The following AGO3 variants were observed in gnomAD, a reference collection of about 807,000 sequenced individuals.
AGO3 encodes the protein argonaute RISC catalytic component 3.
Under a neutral mutation model 105.5 loss-of-function variants are expected in AGO3, and 16 were observed. The observed-to-expected ratio is 0.15, with a 90% CI of 0.10 to 0.23. The LOEUF is 0.23. AGO3 is among the 10% of genes least tolerant of loss of function. The pLI is 1.00. For missense variants in AGO3, 534 were observed against 1,088.0 expected (o/e 0.49, Z 7.16); for synonymous variants, 340 against 367.3 (o/e 0.93, Z 0.85).
Position 36,070,843 on chromosome 1 carries a change from T to C in AGO3, c.*15098T>C, listed in dbSNP as rs1643152664. On this transcript the variant is annotated 3_prime_UTR_variant, in exon 19 of 19. Transcript: ENST00000373191. ...ATTTTAAACTATTTTTGCTGTAATGTGTAGCTTTAATGTCTCTTTTCAGTT... is the reference window on the plus strand; with the variant it reads ...ATTTTAAACTATTTTTGCTGTAATGCGTAGCTTTAATGTCTCTTTTCAGTT... 6.6e-6 allele frequency: 1 copy of C among 152,256 alleles called. No homozygotes were observed. The highest frequency in any genetic ancestry group is 6.5e-5 in the Admixed American group (1 of 15,284). The allele number at this position is 152,256 out of a possible 1,614,324, so 9.4% of individuals were successfully genotyped here.
chr1:35,955,522 T>C (rs1235163881), intron 2 of AGO3, among the ~76,000 whole-genome samples: 10 of 152,052 alleles, frequency 6.6e-5, no homozygotes. Context: ...ACTGAATATG[T>C]GTCACACACT....
At position 36,063,956 on chromosome 1, in the gene AGO3, G is replaced by A. The variant is rs891116656; in HGVS notation, c.*8211G>A. 3 of 152,168 alleles carry A rather than the reference G, an allele frequency of 2.0e-5. No individual in the cohort carries two copies. The highest frequency in any genetic ancestry group is 7.2e-5 in the African/African-American group (3 of 41,416). 9.4% of individuals were successfully genotyped at this position (152,168 alleles called of 1,614,324 possible). A position where few individuals can be genotyped will look rare whatever the true frequency, so the allele number is the denominator to read the frequency against. On this transcript the variant is annotated 3_prime_UTR_variant, in exon 19 of 19. Transcript: ENST00000373191. ...GAGATGGGGGTCACTATACTGCCCA[G>A]GCTGGTCTTGAACTCCTAAGCTCAA...
intron 5 of AGO3, among the ~76,000 whole-genome samples, chr1:35,974,505 T>C (rs1646922370): frequency 6.6e-6 from 1 of 152,208 alleles, no homozygotes; most frequent in Admixed American, 6.5e-5. Flanking sequence ...AAAGTTAGCT[T>C]AGAAGTTTCA....
chr1:36,031,725 T>G (rs185032607), intron 12 of AGO3, among the ~76,000 whole-genome samples: 1 of 152,310 alleles, frequency 6.6e-6, no homozygotes, highest in Admixed American at 6.5e-5. Flanking sequence ...GAAAGCACTG[T>G]TCTACTTTCC....
At chr1:36,051,857 G>A (rs1257964483) in intron 17 of AGO3, among the ~76,000 whole-genome samples, 3 of 152,036 alleles carry the variant, frequency 2.0e-5, no homozygotes, top group Non-Finnish European at 2.9e-5. Flanking sequence ...TAATCACCAG[G>A]GGAATGCCAA....
At chr1:36,015,410 C>T (rs1557687114) in intron 11 of AGO3, among the ~76,000 whole-genome samples, 2 of 152,176 alleles carry the variant, frequency 1.3e-5, no homozygotes, top group African/African-American at 2.4e-5. Context: ...TGCTTCATTA[C>T]ATAGGCCTCA....
intron 5 of AGO3, among the ~76,000 whole-genome samples, chr1:36,003,049 C>T (rs1051603026): frequency 9.9e-5 from 15 of 151,144 alleles, no homozygotes; most frequent in African/African-American, 1.9e-4. Flanking sequence ...CCAGCCTGGA[C>T]GACAGAGTGA....
intron 5 of AGO3, among the ~76,000 whole-genome samples, chr1:35,978,839 T>C (rs1398356916): frequency 6.6e-6 from 1 of 152,180 alleles, no homozygotes; most frequent in Non-Finnish European, 1.5e-5. Context: ...AAACAATTAT[T>C]TTTCTGGTGA....
At chr1:35,953,277 A>C (rs1646507559) in intron 2 of AGO3, among the ~76,000 whole-genome samples, 1 of 152,158 alleles carries the variant, frequency 6.6e-6, no homozygotes, top group Non-Finnish European at 1.5e-5. Context: ...AAAAAGAAAA[A>C]AAAAAAGAAG....
rs1054471871 is a variant in AGO3, at chr1:36,027,056, A to G, written c.1407-58A>G. On this transcript the variant is annotated intron_variant, in intron 11 of 18. Coordinates refer to ENST00000373191, the MANE Select transcript of AGO3 (RefSeq NM_024852.4). This position sits in a 1 kb window ranked among gnomAD's most constrained non-coding sequence, Gnocchi z 4.0. ...TTCCCTTCCCAAACTTCCCATTACT[A>G]CTTTGTAGGAATTCATGACTAGACA... 1 of 1,538,224 alleles carries G rather than the reference A, an allele frequency of 6.5e-7. No individual in the cohort carries two copies.
At chr1:35,956,562 G>A (rs1646568371) in intron 2 of AGO3, among the ~76,000 whole-genome samples, 1 of 151,930 alleles carries the variant, frequency 6.6e-6, no homozygotes, top group Non-Finnish European at 1.5e-5. Context: ...ACAGGGATTG[G>A]AAAGATAGGA....
rs367620032 is a variant in AGO3 at position 35,931,413 on chromosome 1, C to T, written c.-14C>T. The T allele has an allele frequency of 2.8e-5, 42 of 1,504,274 alleles. No individual in the cohort carries two copies. In the African/African-American group the frequency reaches 5.4e-4, roughly 19 times the overall value. The allele number at this position is 1,504,274 out of a possible 1,614,324, so 93.2% of individuals were successfully genotyped here. A position where few individuals can be genotyped will look rare whatever the true frequency, so the allele number is the denominator to read the frequency against. On this transcript the variant is annotated 5_prime_UTR_variant, in exon 1 of 19. Coordinates refer to ENST00000373191, the MANE Select transcript of AGO3 (RefSeq NM_024852.4). The stretch of plus-strand genomic sequence containing the variant: ...GCTCCGTTCTCCCTCGAAGCACTCC[C>T]CCCAGCTCCATGAATGGAAATCGGC...
chr1:36,054,951 C>T lies in AGO3; in HGVS notation c.2280C>T (p.Thr760=), dbSNP rs1322525478. 6.2e-7 allele frequency: 1 copy of T among 1,613,814 alleles called. No individual in the cohort carries two copies. The highest frequency in any genetic ancestry group is 1.1e-5 in the South Asian group (1 of 91,046). The change falls in exon 18 of 19, where the codon ACC becomes ACT. Residue 760 remains threonine, a synonymous_variant. Coordinates refer to ENST00000373191, the MANE Select transcript of AGO3 (RefSeq NM_024852.4). ...TGTCATTGCCTTCTCTATAGGGTAC[C>T]AGTCGTCCTTCACACTATCATGTTT... ...YLCSHAGIQG[T]SRPSHYHVLW...
At chr1:36,039,492 C>CAAAA (rs1048314282) in intron 14 of AGO3, among the ~76,000 whole-genome samples, 27 of 55,602 alleles carry the variant, frequency 4.9e-4, no homozygotes, top group African/African-American at 1.2e-3. Flanking sequence ...GACTGCGTCT[C>CAAAA]AAAAAAAAAA....
Position 35,945,675 on chromosome 1 carries a change from T to TC in AGO3, c.20-14dup. On this transcript the variant is annotated splice_polypyrimidine_tract_variant and intron_variant, in intron 1 of 18. Transcript: ENST00000373191. ...GCTTGTAACTGTGACTCTTTTTTTT[T>TC]CCCTTTCCCCTGGCAGGACCCGCTG... The TC allele has an allele frequency of 6.2e-7, 1 of 1,606,276 alleles. No homozygotes were observed. Among genetic ancestry groups the TC allele is most frequent in the Non-Finnish European group, 8.5e-7 (1 of 1,177,964 alleles).
intron 11 of AGO3, among the ~76,000 whole-genome samples, chr1:36,020,309 C>G (rs2148826238): frequency 6.6e-6 from 1 of 152,254 alleles, no homozygotes; most frequent in East Asian, 1.9e-4. Context: ...GGAGTTCATT[C>G]AAATTATGTA....
At chr1:35,981,772 C>T (rs1647057247) in intron 5 of AGO3, among the ~76,000 whole-genome samples, 1 of 152,202 alleles carries the variant, frequency 6.6e-6, no homozygotes, top group South Asian at 2.1e-4. Flanking sequence ...TTACCTCCTT[C>T]TGAGAATCCC....
intron 11 of AGO3, among the ~76,000 whole-genome samples, chr1:36,018,007 T>C (rs1196468014): frequency 6.6e-6 from 1 of 151,536 alleles, no homozygotes; most frequent in Non-Finnish European, 1.5e-5. Context: ...ATTGACAATG[T>C]TCTCTTTTTT....
chr1:36,018,904 C>A (rs1272058841), intron 11 of AGO3, among the ~76,000 whole-genome samples: 1 of 152,012 alleles, frequency 6.6e-6, no homozygotes, highest in East Asian at 1.9e-4. Context: ...AATCTGTCCA[C>A]ATCTAGGAGG....
Sources: gnomAD v4.1 joint callset for allele counts (sites outside exome capture counted in the v4.1 genomes callset) on GRCh38, gnomAD v4.1.1 for gene constraint, Gnocchi (gnomAD v3.1) non-coding constraint, MANE v1.5 for transcripts, NCBI Gene and HGNC (gene_info 2026-07-23, HGNC 2026-07-21) for gene names.